The following LYSMD1 variants were observed in gnomAD, a reference collection of about 807,000 sequenced individuals.
The protein encoded by LYSMD1 is LysM domain containing 1.
Under a neutral mutation model 19.3 loss-of-function variants are expected in LYSMD1, and 9 were observed. That is an observed-to-expected ratio of 0.47 (90% confidence interval 0.28 to 0.81). The LOEUF (loss-of-function observed/expected upper bound fraction) is 0.81. LYSMD1 is among the 40% of genes least tolerant of loss of function. LYSMD1 has a pLI of 0.11. For missense variants in LYSMD1, 262 were observed against 279.8 expected (o/e 0.94, Z 0.45); for synonymous variants, 111 against 111.7 (o/e 0.99, Z 0.04).
At chr1:151,164,925 T>C (rs756070910) in intron 1 of LYSMD1, among the ~76,000 whole-genome samples, 154 bp downstream of exon 1, 60 of 152,176 alleles carry the variant, frequency 3.9e-4, no homozygotes, top group Admixed American at 2.0e-4. Flanking sequence ...GCAGGACTTG[T>C]GCAACACTGT....
At chr1:151,159,464 C>T, downstream of LYSMD1, 1 of 558,012 alleles carries the variant, frequency 1.8e-6, no homozygotes, top group South Asian at 2.3e-5. Flanking sequence ...CTCTCCCACT[C>T]CAGCCCCAGG....
Position 151,165,294 on chromosome 1 carries a change from G to A in LYSMD1, c.-36C>T. The A allele has an allele frequency of 1.3e-6, 2 of 1,596,564 alleles. No homozygotes were observed. The highest frequency in any genetic ancestry group is 1.8e-4 in the Middle Eastern group (1 of 5,564). Reference sequence around the variant, plus strand: ...TGCCAACAGCTAAGGTTGCAACTAGGGGAGGTACGACCGAGACTGCGACTG... The same window carrying A: ...TGCCAACAGCTAAGGTTGCAACTAGAGGAGGTACGACCGAGACTGCGACTG... On this transcript the variant is annotated 5_prime_UTR_variant, in exon 1 of 3. Coordinates refer to ENST00000368908, the MANE Select transcript of LYSMD1 (RefSeq NM_212551.5).
At chr1:151,155,185 T>C (rs1253551748), downstream of LYSMD1, among the ~76,000 whole-genome samples, 1 of 152,258 alleles carries the variant, frequency 6.6e-6, no homozygotes, top group Non-Finnish European at 1.5e-5. Flanking sequence ...GTTTTTTTCC[T>C]GCATGTGCTT....
At chr1:151,159,313 T>C, downstream of LYSMD1, 2 of 1,512,548 alleles carry the variant, frequency 1.3e-6, no homozygotes, top group Non-Finnish European at 1.8e-6. Context: ...ACACAGATAA[T>C]GGGCTTCCTA....
chr1:151,155,570 A>C (rs1445590638), downstream of LYSMD1, among the ~76,000 whole-genome samples: 1 of 152,114 alleles, frequency 6.6e-6, no homozygotes, highest in Admixed American at 6.6e-5. Context: ...CTCTCTACAA[A>C]AAAAAGGAAG....
Position 151,165,223 on chromosome 1 carries a change from C to A in LYSMD1, c.36G>T (p.Gly12=), listed in dbSNP as rs587618301. ...ASPSRQPPPG[G]SGLLQGSRAR... is the part of the protein sequence containing the mutation. ...CCCGGCTCCCTTGAAGCAGTCCTGA[C>A]CCCCCTGGCGGGGGCTGTCTAGACG... The change falls in exon 1 of 3, where the codon GGG becomes GGT. Residue 12 remains glycine (G), a synonymous_variant. Transcript: ENST00000368908. 2.5e-6 allele frequency: 4 copies of A among 1,613,972 alleles called. No homozygotes were observed. The highest frequency in any genetic ancestry group is 2.7e-5 in the African/African-American group (2 of 75,050).
Position 151,162,025 on chromosome 1 carries a change from T to C in LYSMD1, c.256A>G (p.Ile86Val), listed in dbSNP as rs1683476331. ...IFLKKTLYIP[I>V]LTEPRDLFNG... ...AACAGGTCTCTGGGCTCTGTCAGGA[T>C]GGGGATGTAGAGGGTTTTCTTCAGG... Residue 86 changes from isoleucine to valine, a missense_variant, in exon 2 of 3, where the codon ATC (isoleucine) becomes GTC (valine). Transcript: ENST00000368908. 2.5e-6 allele frequency: 4 copies of C among 1,613,688 alleles called. No homozygotes were observed. In the East Asian group the frequency reaches 8.9e-5, roughly 36 times the overall value.
downstream of LYSMD1, chr1:151,159,369 TC>T: frequency 8.8e-7 from 1 of 1,138,606 alleles, no homozygotes; most frequent in East Asian, 2.6e-5. Context: ...CAGGCTTCAT[TC>T]CTTCCCAAGA....
rs373303349 is a variant in LYSMD1, at chr1:151,160,946, G to A, written c.620C>T (p.Pro207Leu). 65 of 1,614,046 alleles carry A rather than the reference G, an allele frequency of 4.0e-5. No homozygotes were observed. The highest frequency in any genetic ancestry group is 8.3e-5 in the Admixed American group (5 of 59,998). Residue 207 changes from proline to leucine, a missense_variant, in exon 3 of 3, where the codon CCG becomes CTG. Physicochemically the swap from Pro to Leu is moderately conservative, Grantham distance 98. Coordinates refer to ENST00000368908, the MANE Select transcript of LYSMD1 (RefSeq NM_212551.5). ...CCGGGTCCGAGAGGTACGGGTCAGCGGCACAGGACCTAGGACTGCTCGTTG... is the reference window on the plus strand; with the variant it reads ...CCGGGTCCGAGAGGTACGGGTCAGCAGCACAGGACCTAGGACTGCTCGTTG... ...MQQRAVLGPV[P>L]LTRTSRTRTL...
At position 151,165,388 on chromosome 1, in the gene LYSMD1, G is replaced by T; in HGVS notation, c.-130C>A. ...CCCCTCTCTCTTCCCCTGTGTCCCC[G>T]CCTCCCCAGCACTACGCCATCTGCC... On this transcript the variant is annotated 5_prime_UTR_variant, in exon 1 of 3. Coordinates refer to ENST00000368908, the MANE Select transcript of LYSMD1 (RefSeq NM_212551.5). 7.0e-7 allele frequency: 1 copy of T among 1,429,016 alleles called. No homozygotes were observed. 88.5% of individuals were successfully genotyped at this position (1,429,016 alleles called of 1,614,324 possible).
intron 1 of LYSMD1, among the ~76,000 whole-genome samples, chr1:151,163,878 T>TTGTGTGTGTGTGTGTGTG (rs57906452): frequency 7.0e-6 from 1 of 141,948 alleles, no homozygotes; most frequent in African/African-American, 2.6e-5. Context: ...TTTCCTATCT[T>TTGTGTGTGTGTGTGTGTG]TGTGTGTGTG....
At position 151,165,062 on chromosome 1, in the gene LYSMD1, A is replaced by G; in HGVS notation, c.180+17T>C. 1.2e-6 allele frequency: 2 copies of G among 1,610,460 alleles called. No homozygotes were observed. ...CCCTCCTGACTGTTGTCTTCACCCC[A>G]ATCCTGGAAAACTCACCGTCACCCC... On this transcript the variant is annotated intron_variant, in intron 1 of 2. Coordinates refer to ENST00000368908, the MANE Select transcript of LYSMD1 (RefSeq NM_212551.5).
At position 151,165,610 on chromosome 1, in the gene LYSMD1, G is replaced by C; in HGVS notation, c.-352C>G. On this transcript the variant is annotated 5_prime_UTR_variant, in exon 1 of 3. Coordinates refer to ENST00000368908, the MANE Select transcript of LYSMD1 (RefSeq NM_212551.5). Reference sequence around the variant, plus strand: ...CCTCAGTTTGCCCCCAAGTAGCCTGGCCTCAGGGCGCTCCAACATCCCAGC... The same window carrying C: ...CCTCAGTTTGCCCCCAAGTAGCCTGCCCTCAGGGCGCTCCAACATCCCAGC... The C allele has an allele frequency of 6.6e-7, 1 of 1,525,218 alleles. No homozygotes were observed. Among genetic ancestry groups the C allele is most frequent in the Non-Finnish European group, 8.8e-7 (1 of 1,138,438 alleles). The allele number at this position is 1,525,218 out of a possible 1,614,324, so 94.5% of individuals were successfully genotyped here. A position where few individuals can be genotyped will look rare whatever the true frequency, so the allele number is the denominator to read the frequency against.
At chr1:151,148,972 C>T in the LYSMD1 span, among the ~76,000 whole-genome samples, 51 of 152,002 alleles carry the variant, frequency 3.4e-4, no homozygotes, top group East Asian at 9.7e-3. Flanking sequence ...AGCAAGAAGA[C>T]AGAGACCTAC....
At chr1:151,158,940 C>T (rs757137475), downstream of LYSMD1, 11 of 1,614,136 alleles carry the variant, frequency 6.8e-6, no homozygotes, top group Admixed American at 1.2e-4. Flanking sequence ...CCTTTGGCCC[C>T]AGTGAGCTGG....
chr1:151,148,688 C>T, the LYSMD1 span, among the ~76,000 whole-genome samples: 1 of 152,062 alleles, frequency 6.6e-6, no homozygotes, highest in Admixed American at 6.6e-5. Context: ...TGGGAGTTGG[C>T]TTGGTGCAAA....
downstream of LYSMD1, among the ~76,000 whole-genome samples, chr1:151,157,386 G>A (rs972390205): frequency 6.6e-6 from 1 of 152,212 alleles, no homozygotes; most frequent in African/African-American, 2.4e-5. Flanking sequence ...GCCACATCCT[G>A]CAGAGCAGAG....
rs776019822 is a variant in LYSMD1 at position 151,161,788 on chromosome 1, T to C, written c.493A>G (p.Ile165Val). The C allele has an allele frequency of 3.7e-6, 6 of 1,613,330 alleles. No homozygotes were observed. In the African/African-American group the frequency reaches 5.3e-5, roughly 14 times the overall value. The change falls in exon 2 of 3, where the codon ATC (isoleucine) becomes GTC (valine). Residue 165 changes from isoleucine to valine, a missense_variant. Transcript: ENST00000368908. ...SDFLKKLDSQISLSKKAAAQK... is the reference protein window; with the variant it reads ...SDFLKKLDSQVSLSKKAAAQK... ...GCAGCAGCCTTCTTGGACAGGCTGATCTGTGAATCAAGCTTCTTAAGGAAA... is the reference window on the plus strand; with the variant it reads ...GCAGCAGCCTTCTTGGACAGGCTGACCTGTGAATCAAGCTTCTTAAGGAAA...
At chr1:151,148,641 T>G in the LYSMD1 span, among the ~76,000 whole-genome samples, 1 of 152,186 alleles carries the variant, frequency 6.6e-6, no homozygotes, top group Non-Finnish European at 1.5e-5. Flanking sequence ...AGAAAGATGC[T>G]GGATACATTT....
Sources: gnomAD v4.1 joint callset for allele counts (sites outside exome capture counted in the v4.1 genomes callset) on GRCh38, gnomAD v4.1.1 for gene constraint, MANE v1.5 for transcripts, NCBI Gene and HGNC (gene_info 2026-07-23, HGNC 2026-07-21) for gene names.